Variants in PLEK observed in about 807,000 individuals in gnomAD.
The protein encoded by PLEK is platelet 47 kDa protein.
A neutral mutation model predicts 43.9 loss-of-function variants in PLEK; 25 were observed. The ratio of observed to expected loss-of-function variants is 0.57; its 90% CI spans 0.41 to 0.79. PLEK has a LOEUF of 0.79. PLEK is among the 30% of genes least tolerant of loss of function. PLEK has a pLI of 0.00. For missense variants in PLEK, 396 were observed against 413.3 expected, an observed-to-expected ratio of 0.96 and a Z score of 0.36; for synonymous variants, 152 against 144.4, an observed-to-expected ratio of 1.05 and a Z score of -0.38.
intron 6 of PLEK, among the ~76,000 whole-genome samples, chr2:68,390,749 G>A (rs1673842803): frequency 6.6e-6 from 1 of 152,122 alleles, no homozygotes; most frequent in South Asian, 2.1e-4. Flanking sequence ...TGTTATAATG[G>A]GAAGCCTCAC....
chr2:68,390,519 A>AT (rs1451259863), intron 6 of PLEK, among the ~76,000 whole-genome samples: 1 of 151,970 alleles, frequency 6.6e-6, no homozygotes, highest in South Asian at 2.1e-4. Context: ...TTTCCTCTGA[A>AT]TTTTTTTTCA....
chr2:68,373,129 T>A (rs889274007), intron 1 of PLEK, among the ~76,000 whole-genome samples: 1 of 152,002 alleles, frequency 6.6e-6, no homozygotes, highest in Non-Finnish European at 1.5e-5. Context: ...AAGGAAAAAT[T>A]TAGGAATGGT....
At position 68,365,374 on chromosome 2, in the gene PLEK, A is replaced by G. The variant is rs1673245079; in HGVS notation, c.23A>G (p.Glu8Gly). 2 of 1,613,762 alleles carry G rather than the reference A, an allele frequency of 1.2e-6. No homozygotes were observed. Among genetic ancestry groups the G allele is most frequent in the Admixed American group, 3.3e-5 (2 of 59,988 alleles). MEPKRIREGYLVKKGSVF... is the reference protein window; with the variant it reads MEPKRIRGGYLVKKGSVF... ...AGCATGGAACCAAAGCGGATCAGAG[A>G]GGGCTACCTTGTGAAGAAGGTGAGC... The change falls in exon 1 of 9, where the codon GAG becomes GGG. Residue 8 changes from glutamate (E) to glycine (G), a missense_variant. Transcript: ENST00000234313.
chr2:68,379,099 A>C (rs962349228), intron 1 of PLEK, among the ~76,000 whole-genome samples: 1 of 152,210 alleles, frequency 6.6e-6, no homozygotes, highest in Non-Finnish European at 1.5e-5. Context: ...ATGCAATTGC[A>C]CTCCAGCCTG....
intron 1 of PLEK, among the ~76,000 whole-genome samples, chr2:68,369,829 C>A (rs1673363342): frequency 6.6e-6 from 1 of 152,196 alleles, no homozygotes; most frequent in Non-Finnish European, 1.5e-5. Context: ...AGAAGTCATG[C>A]TGTTAAGCAC....
chr2:68,382,360 T>A (rs1369428348), intron 3 of PLEK, among the ~76,000 whole-genome samples, 182 bp from the exon 4 acceptor site: 2 of 152,214 alleles, frequency 1.3e-5, no homozygotes, highest in Non-Finnish European at 2.9e-5. Context: ...GTTATGCAGA[T>A]ATGAATGTTG....
intron 1 of PLEK, among the ~76,000 whole-genome samples, chr2:68,377,883 T>C (rs1673535159): frequency 6.6e-6 from 1 of 152,222 alleles, no homozygotes; most frequent in Non-Finnish European, 1.5e-5. Context: ...CAATATTTTC[T>C]TACAGTCATA....
intron 4 of PLEK, 24 bp downstream of exon 4, chr2:68,382,657 A>T (rs754324943): frequency 9.7e-6 from 13 of 1,334,456 alleles, no homozygotes; most frequent in Non-Finnish European, 1.1e-6. Context: ...CAGGCCTGAA[A>T]TAGGGCGACT....
intron 1 of PLEK, among the ~76,000 whole-genome samples, chr2:68,371,506 G>A (rs1282637458): frequency 6.6e-6 from 1 of 152,204 alleles, no homozygotes; most frequent in Non-Finnish European, 1.5e-5. Context: ...TATTTAATGA[G>A]TGATTACTAT....
rs1673591251 is a variant in PLEK, at chr2:68,380,492, A to G, written c.198+9A>G. 2 of 1,612,438 alleles carry G rather than the reference A, an allele frequency of 1.2e-6. No homozygotes were observed. The highest frequency in any genetic ancestry group is 1.7e-6 in the Non-Finnish European group (2 of 1,178,992). On this transcript the variant is annotated intron_variant, in intron 2 of 8. Transcript: ENST00000234313. ...ACTTTGGCAAAAGGATGGTAAGTTGACATCATGAGCTGCCGTGAACCCCTG... is the reference window on the plus strand; with the variant it reads ...ACTTTGGCAAAAGGATGGTAAGTTGGCATCATGAGCTGCCGTGAACCCCTG...
chr2:68,384,740 T>C (rs1283802490), intron 4 of PLEK, among the ~76,000 whole-genome samples: 1 of 152,094 alleles, frequency 6.6e-6, no homozygotes, highest in African/African-American at 2.4e-5. Flanking sequence ...CCTCACTGAG[T>C]GAGCGTGGAT....
chr2:68,392,006 A>G (rs11126183), intron 6 of PLEK, among the ~76,000 whole-genome samples: 121,633 of 152,118 alleles, frequency 0.8, 49,377 homozygotes, highest in African/African-American at 0.93. Flanking sequence ...TGGCCCTGGG[A>G]AACAAAGATA....
chr2:68,368,176 A>G (rs980106795), intron 1 of PLEK, among the ~76,000 whole-genome samples: 3 of 152,208 alleles, frequency 2.0e-5, no homozygotes, highest in Non-Finnish European at 4.4e-5. Flanking sequence ...AGGGGGAGGG[A>G]AAATACAAGA....
chr2:68,372,101 T>A (rs114818501), intron 1 of PLEK, among the ~76,000 whole-genome samples: 1 of 152,216 alleles, frequency 6.6e-6, no homozygotes, highest in Non-Finnish European at 1.5e-5. Context: ...TAATTTTTAA[T>A]CATATGATGA....
intron 1 of PLEK, among the ~76,000 whole-genome samples, chr2:68,369,115 G>A (rs556373048): frequency 1.3e-5 from 2 of 152,304 alleles, no homozygotes; most frequent in Admixed American, 6.5e-5. Context: ...AACAGCTAAC[G>A]CATGTGGTGT....
Position 68,365,810 on chromosome 2 carries a change from A to G in PLEK, c.42+417A>G, listed in dbSNP as rs138008682. Among the ~76,000 whole-genome samples, 228 of 152,262 alleles carry G rather than the reference A, an allele frequency of 1.5e-3. 2 individuals are homozygous for G. The highest frequency in any genetic ancestry group is 4.3e-3 in the South Asian group (21 of 4,830). On this transcript the variant is annotated intron_variant, in intron 1 of 8. Coordinates refer to ENST00000234313, the MANE Select transcript of PLEK (RefSeq NM_002664.3). Reference sequence around the variant, plus strand: ...GTTCTTTTTTTGGGAGGCAAGGGGAAAAAAGTGATTAAAGAGTTGATATAA... The same window carrying G: ...GTTCTTTTTTTGGGAGGCAAGGGGAGAAAAGTGATTAAAGAGTTGATATAA...
chr2:68,373,880 T>A (rs1313661693), intron 1 of PLEK, among the ~76,000 whole-genome samples: 1 of 152,238 alleles, frequency 6.6e-6, no homozygotes, highest in African/African-American at 2.4e-5. Flanking sequence ...TTAAATAGAT[T>A]TGTCTATGTA....
chr2:68,395,512 G>T (rs1217127932), intron 8 of PLEK, among the ~76,000 whole-genome samples, 168 bp from the exon 9 acceptor site: 1 of 152,074 alleles, frequency 6.6e-6, no homozygotes, highest in African/African-American at 2.4e-5. Context: ...GTATATAACT[G>T]TGCAATGAAT....
At chr2:68,365,714 G>A in intron 1 of PLEK, 1 of 245,310 alleles carries the variant, frequency 4.1e-6, no homozygotes, top group South Asian at 5.2e-5. Flanking sequence ...TCTGTCAGAA[G>A]ATATACTCCT....
Sources: allele counts gnomAD v4.1 joint callset (sites outside exome capture counted in the v4.1 genomes callset), GRCh38; gene constraint gnomAD v4.1.1; transcripts MANE v1.5; gene names NCBI Gene and HGNC (gene_info 2026-07-23, HGNC 2026-07-21).